Variants in CSGALNACT1 observed in about 807,000 individuals in gnomAD.
CSGALNACT1 encodes beta4GalNAcT-1.
In CSGALNACT1, 52 loss-of-function variants were observed where a neutral mutation model predicts 51.0. The observed-to-expected ratio is 1.02, with a 90% CI of 0.82 to 1.29. CSGALNACT1 has a LOEUF of 1.29. Among genes scored for constraint, CSGALNACT1 ranks in the 50% most tolerant of loss-of-function variants. CSGALNACT1 has a pLI of 0.00. For synonymous variants in CSGALNACT1, 341 were observed against 254.4 expected (o/e 1.34, Z -3.24); for missense variants, 935 against 679.2 (o/e 1.38, Z -4.19).
chr8:19,609,497 T>C (rs1184116789), intron 1 of CSGALNACT1, among the ~76,000 whole-genome samples: 3 of 151,928 alleles, frequency 2.0e-5, no homozygotes, highest in Non-Finnish European at 4.4e-5. Context: ...GAAAACATCA[T>C]TGGAATACTC....
chr8:19,650,908 C>G (rs577269825), intron 1 of CSGALNACT1, among the ~76,000 whole-genome samples: 2 of 152,218 alleles, frequency 1.3e-5, no homozygotes, highest in African/African-American at 4.8e-5. Flanking sequence ...GTGTCCTTAG[C>G]AATTTTAACT....
At chr8:19,753,319 G>A (rs764826038) in intron 1 of CSGALNACT1, among the ~76,000 whole-genome samples, 7 of 151,884 alleles carry the variant, frequency 4.6e-5, no homozygotes, top group Admixed American at 6.6e-5. Context: ...CTCTTACCCT[G>A]TTCTCCTAAG....
chr8:19,515,035 G>C (rs1172439366), intron 3 of CSGALNACT1, among the ~76,000 whole-genome samples: 1 of 152,196 alleles, frequency 6.6e-6, no homozygotes, highest in South Asian at 2.1e-4. Flanking sequence ...CCTTGGGGCA[G>C]GGCTCTTGCC....
At chr8:19,493,890 AC>A in intron 4 of CSGALNACT1, among the ~76,000 whole-genome samples, 1 of 152,148 alleles carries the variant, frequency 6.6e-6, no homozygotes, top group African/African-American at 2.4e-5. Context: ...ACACACACAC[AC>A]ACACACACAC....
chr8:19,666,833 GAAAGAAAGAAAGAA>G (rs1393253704), intron 1 of CSGALNACT1, among the ~76,000 whole-genome samples: 4 of 28,378 alleles, frequency 1.4e-4, no homozygotes, highest in South Asian at 1.1e-3. Context: ...GAGAGAGAGA[GAAAGAAAGAAAGAA>G]AGAAAGAAAG....
At chr8:19,665,486 C>A (rs1225886673) in intron 1 of CSGALNACT1, among the ~76,000 whole-genome samples, 1 of 152,156 alleles carries the variant, frequency 6.6e-6, no homozygotes. Flanking sequence ...ACTCAGGCTG[C>A]GGGTAAACAT....
At chr8:19,414,075 G>A (rs181974457) in intron 8 of CSGALNACT1, among the ~76,000 whole-genome samples, 33 of 152,258 alleles carry the variant, frequency 2.2e-4, no homozygotes, top group East Asian at 7.7e-4. Flanking sequence ...GTTCAGTGAC[G>A]TCATGCTGGT....
intron 3 of CSGALNACT1, among the ~76,000 whole-genome samples, chr8:19,573,506 C>T (rs1194546861): frequency 1.3e-5 from 2 of 151,512 alleles, no homozygotes; most frequent in South Asian, 2.1e-4. Context: ...TGTAGTGGTG[C>T]GATCTCTGCT....
chr8:19,629,879 A>T (rs1342471677), intron 1 of CSGALNACT1, among the ~76,000 whole-genome samples: 1 of 152,234 alleles, frequency 6.6e-6, no homozygotes, highest in African/African-American at 2.4e-5. Context: ...ATGACAGAGA[A>T]GGAGTAAGCA....
upstream of CSGALNACT1, chr8:19,683,071 C>A (rs2060746465): frequency 8.4e-6 from 2 of 237,868 alleles, no homozygotes; most frequent in South Asian, 1.1e-4. Flanking sequence ...TGGACGGGAA[C>A]AGATAGGCAA....
intron 4 of CSGALNACT1, among the ~76,000 whole-genome samples, chr8:19,503,308 C>G (rs955793221): frequency 2.6e-5 from 4 of 152,144 alleles, no homozygotes; most frequent in South Asian, 2.1e-4. Context: ...TAATGTGTCT[C>G]TAAAAGAAGG....
intron 3 of CSGALNACT1, among the ~76,000 whole-genome samples, chr8:19,587,697 CAT>C (rs2046950841): frequency 1.3e-5 from 2 of 152,166 alleles, no homozygotes. Flanking sequence ...GTGGCAAGGG[CAT>C]AGATACTCCT....
intron 4 of CSGALNACT1, among the ~76,000 whole-genome samples, chr8:19,500,328 G>A (rs4631482): frequency 0.78 from 119,101 of 151,986 alleles, 46,965 homozygotes; most frequent in East Asian, 0.85. Context: ...TACACCCCAA[G>A]TACAAGTGTG....
chr8:19,626,706 T>G, intron 1 of CSGALNACT1, among the ~76,000 whole-genome samples: 1 of 152,216 alleles, frequency 6.6e-6, no homozygotes. Flanking sequence ...TCAGTATATT[T>G]AAATAACTTG....
chr8:19,516,328 C>T (rs548086954), intron 3 of CSGALNACT1, among the ~76,000 whole-genome samples: 2 of 152,148 alleles, frequency 1.3e-5, no homozygotes, highest in African/African-American at 2.4e-5. Context: ...CAGCTTCAAA[C>T]CCAGCTCCGT....
At chr8:19,671,388 G>T (rs1171307269) in intron 1 of CSGALNACT1, among the ~76,000 whole-genome samples, 1 of 152,182 alleles carries the variant, frequency 6.6e-6, no homozygotes. Context: ...TTGTTTTCAA[G>T]CTCCAATTAC....
intron 1 of CSGALNACT1, among the ~76,000 whole-genome samples, chr8:19,649,431 G>GT (rs1350050794): frequency 2.0e-5 from 3 of 151,912 alleles, no homozygotes; most frequent in Non-Finnish European, 2.9e-5. Context: ...TAAATCCAGT[G>GT]TTTTTTTACT....
intron 6 of CSGALNACT1, among the ~76,000 whole-genome samples, chr8:19,420,743 T>G (rs1158776621): frequency 6.6e-6 from 1 of 152,228 alleles, no homozygotes; most frequent in Non-Finnish European, 1.5e-5. Flanking sequence ...ATTTCTTCCT[T>G]GTTTCTCTGG....
intron 1 of CSGALNACT1, among the ~76,000 whole-genome samples, chr8:19,690,205 T>G (rs1233058291): frequency 6.6e-6 from 1 of 152,246 alleles, no homozygotes; most frequent in African/African-American, 2.4e-5. Flanking sequence ...ATGAATACTT[T>G]TCAAATCAAT....
Sources: allele counts gnomAD v4.1 joint callset (sites outside exome capture counted in the v4.1 genomes callset), GRCh38; gene constraint gnomAD v4.1.1; transcripts MANE v1.5; gene names NCBI Gene and HGNC (gene_info 2026-07-23, HGNC 2026-07-21).